Variants in XPO1 observed in about 807,000 individuals in gnomAD.
The protein encoded by XPO1 is exportin 1.
Under a neutral mutation model 133.3 loss-of-function variants are expected in XPO1, and 5 were observed. The observed-to-expected ratio is 0.04, with a 90% CI of 0.02 to 0.08. XPO1 has a LOEUF of 0.08. Among genes scored for constraint, XPO1 ranks in the 10% least tolerant of loss-of-function variants. The pLI is 1.00. For missense variants in XPO1, 506 were observed against 1,267.5 expected, an observed-to-expected ratio of 0.40 and a Z score of 9.12; for synonymous variants, 419 against 408.2, an observed-to-expected ratio of 1.03 and a Z score of -0.32.
intron 21 of XPO1, 99 bp from the exon 22 acceptor site, chr2:61,483,190 T>C (rs1696486514): frequency 7.3e-7 from 1 of 1,373,760 alleles, no homozygotes; most frequent in East Asian, 2.4e-5. Context: ...AACCCTGTTC[T>C]CCCTTTTTTT....
intron 2 of XPO1, among the ~76,000 whole-genome samples, chr2:61,532,226 C>A (rs2104830874): frequency 6.6e-6 from 1 of 152,192 alleles, no homozygotes; most frequent in Non-Finnish European, 1.5e-5. Flanking sequence ...CTCCCGGGTT[C>A]ACGCCATTCT....
rs1289942555 is a variant in XPO1, at chr2:61,478,550, C to A, written c.*270G>T. The A allele has an allele frequency of 2.9e-5, 11 of 378,166 alleles. No homozygotes were observed. The highest frequency in any genetic ancestry group is 5.2e-5 in the Non-Finnish European group (11 of 213,258). 23.4% of individuals were successfully genotyped at this position (378,166 alleles called of 1,614,324 possible). A position where few individuals can be genotyped will look rare whatever the true frequency, so the allele number is the denominator to read the frequency against. On this transcript the variant is annotated 3_prime_UTR_variant, in exon 25 of 25. Coordinates refer to ENST00000401558, the MANE Select transcript of XPO1 (RefSeq NM_003400.4). ...AATCGAATTTGCCTCCTCCCCCCAG[C>A]CCAGCCACAAAAATGGGCATGAAGT...
rs886752919 is a variant in XPO1, at chr2:61,477,885, A to G, written c.*935T>C. On this transcript the variant is annotated 3_prime_UTR_variant, in exon 25 of 25. Coordinates refer to ENST00000401558, the MANE Select transcript of XPO1 (RefSeq NM_003400.4). ...AAATGTTACTTGATGCTTAAACACA[A>G]ATACCCACTATCATTAATATAGGAA... The G allele has an allele frequency of 1.6e-4, 32 of 205,450 alleles. No individual in the cohort carries two copies. Among genetic ancestry groups the G allele is most frequent in the Admixed American group, 3.0e-4 (5 of 16,776 alleles). 12.7% of individuals were successfully genotyped at this position (205,450 alleles called of 1,614,324 possible).
Position 61,520,927 on chromosome 2 carries a change from T to C in XPO1, c.301+1684A>G, listed in dbSNP as rs180768829. On this transcript the variant is annotated intron_variant, in intron 4 of 24. Coordinates refer to ENST00000401558, the MANE Select transcript of XPO1 (RefSeq NM_003400.4). ...GGCTCATAACACATGAGTAAAACAA[T>C]AGTAGTAAAGAAACAAGGAATGACT... Among the ~76,000 whole-genome samples the C allele has an allele frequency of 8.5e-5, 13 of 152,092 alleles. No homozygotes were observed. The East Asian group carries it at 2.5e-3, about 29-fold the overall frequency.
At chr2:61,525,848 GTATT>G in intron 3 of XPO1, 1 of 1,043,900 alleles carries the variant, frequency 9.6e-7, no homozygotes, top group Non-Finnish European at 1.2e-6. Flanking sequence ...GAATGCCATA[GTATT>G]TATTACTTTA....
chr2:61,528,209 T>C (rs375538317), intron 2 of XPO1, among the ~76,000 whole-genome samples: 3 of 151,998 alleles, frequency 2.0e-5, no homozygotes, highest in African/African-American at 7.2e-5. Flanking sequence ...TACACCTTTG[T>C]TCCTTCTTTA....
intron 2 of XPO1, among the ~76,000 whole-genome samples, chr2:61,527,370 C>T (rs539517999): frequency 2.7e-5 from 4 of 150,088 alleles, no homozygotes; most frequent in Non-Finnish European, 4.4e-5. Flanking sequence ...CACCTATAGT[C>T]CTAACTACTC....
intron 23 of XPO1, 49 bp downstream of exon 23, chr2:61,482,331 C>T: frequency 1.3e-6 from 2 of 1,515,988 alleles, no homozygotes; most frequent in Non-Finnish European, 1.8e-6. Flanking sequence ...AGGTGTGAGC[C>T]ACTGTGCCCG....
At chr2:61,482,800 T>C (rs1696463368) in intron 22 of XPO1, 157 bp downstream of exon 22, 5 of 885,554 alleles carry the variant, frequency 5.6e-6, no homozygotes, top group South Asian at 1.8e-5. Flanking sequence ...TTTTTTATGG[T>C]ATTTTTAGTA....
intron 19 of XPO1, among the ~76,000 whole-genome samples, chr2:61,486,979 T>A (rs1193551813): frequency 6.6e-6 from 1 of 151,580 alleles, no homozygotes; most frequent in African/African-American, 2.4e-5. Context: ...AAGAGTAACT[T>A]CTTGTTCTTT....
chr2:61,485,186 C>G (rs913038784), intron 20 of XPO1: 3 of 151,976 alleles, frequency 2.0e-5, no homozygotes, highest in African/African-American at 7.3e-5. Flanking sequence ...AGCCTATTTT[C>G]TCTTGTTAAC....
chr2:61,513,123 C>T (rs1293850596), intron 4 of XPO1, among the ~76,000 whole-genome samples: 2 of 151,074 alleles, frequency 1.3e-5, no homozygotes, highest in East Asian at 3.9e-4. Flanking sequence ...GGCATGATCT[C>T]GGCTCACTGC....
intron 24 of XPO1, among the ~76,000 whole-genome samples, chr2:61,479,473 T>C (rs1357950374): frequency 6.6e-6 from 1 of 151,532 alleles, no homozygotes; most frequent in Non-Finnish European, 1.5e-5. Context: ...ACAAAAAAAA[T>C]GGTGTGATAC....
chr2:61,478,814 T>C lies in XPO1; in HGVS notation c.*6A>G, dbSNP rs952129386. The C allele has an allele frequency of 2.5e-6, 4 of 1,612,720 alleles. No homozygotes were observed. The highest frequency in any genetic ancestry group is 1.7e-4 in the Middle Eastern group (1 of 6,058). ...GCAGAGAAAAAAAACAGCATGAATT[T>C]GGATTTTAATCACACATTTCTTCTG... On this transcript the variant is annotated 3_prime_UTR_variant, in exon 25 of 25. Coordinates refer to ENST00000401558, the MANE Select transcript of XPO1 (RefSeq NM_003400.4).
At chr2:61,526,120 C>A in intron 3 of XPO1, 1 of 1,155,592 alleles carries the variant, frequency 8.7e-7, no homozygotes, top group Non-Finnish European at 1.1e-6. Context: ...TATGTTTAAT[C>A]TCTGAATAAC....
At chr2:61,510,238 C>T (rs575920332) in intron 4 of XPO1, among the ~76,000 whole-genome samples, 1 of 152,292 alleles carries the variant, frequency 6.6e-6, no homozygotes, top group African/African-American at 2.4e-5. Flanking sequence ...GATTGTACTA[C>T]TGCAATCCAA....
intron 4 of XPO1, among the ~76,000 whole-genome samples, chr2:61,511,579 T>C (rs1698098719): frequency 6.6e-6 from 1 of 152,054 alleles, no homozygotes; most frequent in South Asian, 2.1e-4. Context: ...ACACTGCTAG[T>C]TTTCTGTATT....
At chr2:61,482,596 C>CG in intron 22 of XPO1, 57 bp from the exon 23 acceptor site, 1 of 1,341,552 alleles carries the variant, frequency 7.5e-7, no homozygotes, top group South Asian at 1.5e-5. Flanking sequence ...TAGATCTTAG[C>CG]GTTTTTTTTT....
In XPO1 at chr2:61,485,936, C is replaced by G. The variant is rs745936373; in HGVS notation, c.2340G>C (p.Leu780=). 1 of 1,609,238 alleles carries G rather than the reference C, an allele frequency of 6.2e-7. No homozygotes were observed. Among genetic ancestry groups the G allele is most frequent in the East Asian group, 2.2e-5 (1 of 44,798 alleles). The stretch of plus-strand genomic sequence containing the variant: ...GATAATCAATGAGAACTGCATCCAA[C>G]AGAGGGGGAACAAAATTTTCAGCGA... The part of the protein sequence containing the change: ...QMVAENFVPP[L]LDAVLIDYQR... The change falls in exon 20 of 25, where the codon CTG becomes CTC. Residue 780 remains leucine (L), a synonymous_variant. Coordinates refer to ENST00000401558, the MANE Select transcript of XPO1 (RefSeq NM_003400.4).
Sources: allele counts gnomAD v4.1 joint callset (sites outside exome capture counted in the v4.1 genomes callset), GRCh38; gene constraint gnomAD v4.1.1; transcripts MANE v1.5; gene names NCBI Gene and HGNC (gene_info 2026-07-23, HGNC 2026-07-21).